Variants in SYNDIG1 observed in about 807,000 individuals in gnomAD.
SYNDIG1 encodes synapse differentiation-inducing gene protein 1.
A neutral mutation model predicts 19.4 loss-of-function variants in SYNDIG1; 9 were observed. That is an observed-to-expected ratio of 0.46 (90% confidence interval 0.28 to 0.81). SYNDIG1 has a LOEUF of 0.81. SYNDIG1 is among the 30% of genes least tolerant of loss of function. The pLI is 0.12. For synonymous variants in SYNDIG1, 141 were observed against 145.9 expected (o/e 0.97, Z 0.24); for missense variants, 311 against 343.3 (o/e 0.91, Z 0.74).
chr20:24,614,977 G>A (rs2058907474), intron 3 of SYNDIG1, among the ~76,000 whole-genome samples: 1 of 152,226 alleles, frequency 6.6e-6, no homozygotes, highest in South Asian at 2.1e-4. Flanking sequence ...AAGCAATTCT[G>A]TTACCTTGCA....
chr20:24,492,681 G>A (rs117946525), intron 1 of SYNDIG1, among the ~76,000 whole-genome samples: 407 of 152,298 alleles, frequency 2.7e-3, no homozygotes, highest in Non-Finnish European at 4.9e-3. Context: ...CATTGCTGGA[G>A]TGTGAGGGGC....
At chr20:24,509,460 G>A (rs910225344) in intron 1 of SYNDIG1, among the ~76,000 whole-genome samples, 1 of 152,136 alleles carries the variant, frequency 6.6e-6, no homozygotes, top group Non-Finnish European at 1.5e-5. Context: ...CTGTATTTCA[G>A]TTCCTTCTAA....
chr20:24,618,257 G>C (rs375217658), intron 3 of SYNDIG1, among the ~76,000 whole-genome samples: 39 of 149,200 alleles, frequency 2.6e-4, no homozygotes, highest in Middle Eastern at 3.7e-3. Context: ...GCCCCGGGAG[G>C]GGGGAGAGTC....
intron 1 of SYNDIG1, among the ~76,000 whole-genome samples, chr20:24,481,441 A>G (rs6049719): frequency 0.13 from 20,051 of 152,150 alleles, 3,545 homozygotes; most frequent in African/African-American, 0.41. Flanking sequence ...CATGGTGTCA[A>G]GGGGGCCAGA....
At chr20:24,647,730 A>T (rs1316990614) in intron 3 of SYNDIG1, among the ~76,000 whole-genome samples, 1 of 151,202 alleles carries the variant, frequency 6.6e-6, no homozygotes, top group East Asian at 1.9e-4. Flanking sequence ...ATTTGAGATA[A>T]AAAGCTCAGG....
intron 3 of SYNDIG1, among the ~76,000 whole-genome samples, chr20:24,621,060 A>G (rs1321826360): frequency 6.6e-6 from 1 of 152,232 alleles, no homozygotes; most frequent in Non-Finnish European, 1.5e-5. Flanking sequence ...GGCAAAGTAA[A>G]CAGCATTATG....
At chr20:24,635,550 G>T (rs4815292) in intron 3 of SYNDIG1, among the ~76,000 whole-genome samples, 70,318 of 152,006 alleles carry the variant, frequency 0.46, 18,986 homozygotes, top group Non-Finnish European at 0.6. Context: ...CTTGCCTCCA[G>T]TTCTCATCTT....
chr20:24,621,350 T>C (rs1308185270), intron 3 of SYNDIG1, among the ~76,000 whole-genome samples: 1 of 152,196 alleles, frequency 6.6e-6, no homozygotes, highest in Non-Finnish European at 1.5e-5. Context: ...ACTTTGAAGG[T>C]TTCAGTTGGT....
intron 3 of SYNDIG1, among the ~76,000 whole-genome samples, chr20:24,640,449 TGAA>T (rs1222933788): frequency 1.0e-4 from 10 of 98,742 alleles, no homozygotes; most frequent in Non-Finnish European, 1.7e-4. Flanking sequence ...GGGAAGGAAA[TGAA>T]GGAAGAAGGG....
At chr20:24,640,501 GGAAGGAAGGAAGGAAGGAAGGAAGGAA>G (rs1208218221) in intron 3 of SYNDIG1, among the ~76,000 whole-genome samples, 1 of 140,980 alleles carries the variant, frequency 7.1e-6, no homozygotes, top group Non-Finnish European at 1.6e-5. Flanking sequence ...AAGGAAGGAA[GGAAGGAAGGAAGGAAGGAAGGAAGGAA>G]GGAGCTTTTC....
intron 3 of SYNDIG1, among the ~76,000 whole-genome samples, chr20:24,602,147 T>C (rs1283843535): frequency 6.6e-6 from 1 of 152,226 alleles, no homozygotes; most frequent in Admixed American, 6.5e-5. Flanking sequence ...CTATGCCTGA[T>C]CATTATGATA....
chr20:24,471,495 C>G (rs1212114336), intron 1 of SYNDIG1, among the ~76,000 whole-genome samples: 1 of 151,772 alleles, frequency 6.6e-6, no homozygotes, highest in East Asian at 1.9e-4. Flanking sequence ...CTCCACCGCC[C>G]GCCCCTTTGC....
chr20:24,621,584 CT>C (rs1031239013), intron 3 of SYNDIG1, among the ~76,000 whole-genome samples: 1 of 152,096 alleles, frequency 6.6e-6, no homozygotes, highest in Admixed American at 6.5e-5. Context: ...CAGTGGCATC[CT>C]TTTTTTGGGG....
chr20:24,481,426 C>A (rs1340812636), intron 1 of SYNDIG1, among the ~76,000 whole-genome samples: 3 of 152,194 alleles, frequency 2.0e-5, no homozygotes, highest in African/African-American at 7.2e-5. Context: ...TGGGTTTCCT[C>A]CCAGCATGGT....
chr20:24,513,833 CA>C lies in SYNDIG1; in HGVS notation c.-78-29184del, dbSNP rs2056803310. Reference sequence around the variant, plus strand: ...CAAGACATGTAATTGTCAGATTCACCAAAGTTGAAATGAAGGAAAAAATGTT... The same window carrying C: ...CAAGACATGTAATTGTCAGATTCACCAAGTTGAAATGAAGGAAAAAATGTT... On this transcript the variant is annotated intron_variant, in intron 1 of 3. Coordinates refer to ENST00000376862, the MANE Select transcript of SYNDIG1 (RefSeq NM_024893.3). Among the ~76,000 whole-genome samples, 7 of 152,076 alleles carry C rather than the reference CA, an allele frequency of 4.6e-5. No homozygotes were observed. In the South Asian group the frequency reaches 1.2e-3, roughly 27 times the overall value.
intron 1 of SYNDIG1, among the ~76,000 whole-genome samples, chr20:24,524,473 G>A (rs1328053476): frequency 2.6e-5 from 4 of 152,010 alleles, no homozygotes; most frequent in African/African-American, 7.3e-5. Context: ...GCGAAACCCC[G>A]TCTCTACTAA....
intron 2 of SYNDIG1, 106 bp from the exon 3 acceptor site, chr20:24,584,750 G>C: frequency 1.3e-6 from 2 of 1,515,664 alleles, no homozygotes; most frequent in Non-Finnish European, 1.8e-6. Flanking sequence ...CTGCCTCCCG[G>C]GGAGGGCCTG....
At chr20:24,661,283 G>A (rs1476577331) in intron 3 of SYNDIG1, among the ~76,000 whole-genome samples, 1 of 138,622 alleles carries the variant, frequency 7.2e-6, no homozygotes, top group African/African-American at 2.6e-5. Flanking sequence ...CAGAGCAAGT[G>A]AGCAGAAGAA....
intron 2 of SYNDIG1, among the ~76,000 whole-genome samples, chr20:24,582,507 C>T (rs1382217870): frequency 6.7e-6 from 1 of 149,276 alleles, no homozygotes; most frequent in Admixed American, 6.7e-5. Context: ...CATCCTCCCC[C>T]CTGCATATCC....
Sources: allele counts gnomAD v4.1 joint callset (sites outside exome capture counted in the v4.1 genomes callset), GRCh38; gene constraint gnomAD v4.1.1; transcripts MANE v1.5; gene names NCBI Gene and HGNC (gene_info 2026-07-23, HGNC 2026-07-21).